Variants in SNTG1 observed in about 807,000 individuals in gnomAD.
The protein encoded by SNTG1 is syntrophin gamma 1, also known as gamma-1-syntrophin.
SNTG1 carries 39 observed loss-of-function variants against 74.7 expected under a neutral mutation model. The ratio of observed to expected loss-of-function variants is 0.52; its 90% confidence interval spans 0.40 to 0.68. The LOEUF (loss-of-function observed/expected upper bound fraction) is 0.68. Among genes scored for constraint, SNTG1 ranks in the 30% least tolerant of loss-of-function variants. SNTG1 has a pLI of 0.00. For synonymous variants in SNTG1, 254 were observed against 217.1 expected, an observed-to-expected ratio of 1.17 and a Z score of -1.49; for missense variants, 685 against 609.5, an observed-to-expected ratio of 1.12 and a Z score of -1.30.
intron 1 of SNTG1, among the ~76,000 whole-genome samples, chr8:50,109,298 A>G (rs1362966624): frequency 6.6e-6 from 1 of 152,218 alleles, no homozygotes; most frequent in Admixed American, 6.5e-5. Flanking sequence ...GGATACAATT[A>G]ATACCTAATT....
intron 1 of SNTG1, among the ~76,000 whole-genome samples, chr8:49,969,469 T>C (rs554160544): frequency 7.4e-6 from 1 of 135,550 alleles, no homozygotes; most frequent in Non-Finnish European, 1.5e-5. Context: ...CAATCTCGGC[T>C]CACTGCAACC....
intron 18 of SNTG1, among the ~76,000 whole-genome samples, chr8:50,782,534 G>C (rs1385073109): frequency 2.0e-5 from 3 of 152,108 alleles, no homozygotes; most frequent in Non-Finnish European, 4.4e-5. Context: ...CATAGTTCTT[G>C]AGCCTTGGCT....
chr8:50,047,790 T>A (rs537777560), intron 1 of SNTG1, among the ~76,000 whole-genome samples: 3 of 152,212 alleles, frequency 2.0e-5, no homozygotes, highest in Non-Finnish European at 4.4e-5. Context: ...AAGTTAAATA[T>A]TCTCCATGCC....
chr8:49,985,517 A>G (rs1249726027), intron 1 of SNTG1, among the ~76,000 whole-genome samples: 2 of 152,214 alleles, frequency 1.3e-5, no homozygotes, highest in African/African-American at 2.4e-5. Context: ...AAGTTGTGAT[A>G]CCATTTTGTT....
chr8:50,616,538 G>C (rs1253668860), intron 13 of SNTG1, among the ~76,000 whole-genome samples: 3 of 152,202 alleles, frequency 2.0e-5, no homozygotes, highest in Non-Finnish European at 4.4e-5. Context: ...GATGCTCACA[G>C]GAAGCACGAG....
intron 13 of SNTG1, among the ~76,000 whole-genome samples, chr8:50,598,887 G>A (rs1460871450): frequency 6.6e-6 from 1 of 151,828 alleles, no homozygotes; most frequent in African/African-American, 2.4e-5. Context: ...TTGGTGTAGG[G>A]AAATACTACT....
At chr8:50,626,063 A>G (rs1426660798) in intron 13 of SNTG1, among the ~76,000 whole-genome samples, 1 of 152,158 alleles carries the variant, frequency 6.6e-6, no homozygotes, top group East Asian at 1.9e-4. Context: ...ATTCAAACCC[A>G]GGTTTGCCTG....
chr8:50,265,005 G>A (rs1374710808), intron 2 of SNTG1, among the ~76,000 whole-genome samples: 1 of 151,932 alleles, frequency 6.6e-6, no homozygotes, highest in East Asian at 1.9e-4. Flanking sequence ...TTCTTCCAAG[G>A]TTAAAAGCTC....
chr8:50,248,205 A>T (rs2086487418), intron 2 of SNTG1, among the ~76,000 whole-genome samples: 1 of 152,152 alleles, frequency 6.6e-6, no homozygotes, highest in African/African-American at 2.4e-5. Flanking sequence ...TAGGACTTCA[A>T]CATTTGCATA....
intron 4 of SNTG1, among the ~76,000 whole-genome samples, chr8:50,417,701 A>C (rs2093031917): frequency 6.6e-6 from 1 of 152,088 alleles, no homozygotes; most frequent in African/African-American, 2.4e-5. Flanking sequence ...CATCTCTCCC[A>C]TTCTCACTCC....
intron 1 of SNTG1, among the ~76,000 whole-genome samples, chr8:50,028,062 C>A (rs1817418377): frequency 6.6e-6 from 1 of 152,040 alleles, no homozygotes; most frequent in Non-Finnish European, 1.5e-5. Context: ...CTTGAAACCA[C>A]CACTGGCATC....
intron 1 of SNTG1, among the ~76,000 whole-genome samples, chr8:49,922,108 G>T (rs762255690): frequency 1.3e-5 from 2 of 152,054 alleles, no homozygotes; most frequent in Non-Finnish European, 2.9e-5. Flanking sequence ...TCTAAACTTT[G>T]TTAGTAGACT....
rs556499502 is a variant in SNTG1 at position 50,794,223 on chromosome 8, T to A, written c.*1394T>A. The A allele has an allele frequency of 1.3e-5, 2 of 151,934 alleles. No individual in the cohort carries two copies. The highest frequency in any genetic ancestry group is 4.8e-5 in the African/African-American group (2 of 41,418). The allele number at this position is 151,934 out of a possible 1,614,324, so 9.4% of individuals were successfully genotyped here. On this transcript the variant is annotated 3_prime_UTR_variant, in exon 19 of 19. Coordinates refer to ENST00000642720, the MANE Select transcript of SNTG1 (RefSeq NM_018967.5). ...AAGTATCTAATAAATTGATTCAATTTTTTTTTTCAAATATGTTTTTAAAAA... is the reference window on the plus strand; with the variant it reads ...AAGTATCTAATAAATTGATTCAATTATTTTTTTCAAATATGTTTTTAAAAA...
At chr8:49,946,784 G>A (rs1437551590) in intron 1 of SNTG1, among the ~76,000 whole-genome samples, 3 of 152,070 alleles carry the variant, frequency 2.0e-5, no homozygotes, top group Non-Finnish European at 2.9e-5. Context: ...ATCATGAAAA[G>A]ATGAATGTTG....
At chr8:50,442,680 T>TAAAAAAAAAAAAAAAAAA (rs5891365) in intron 5 of SNTG1, among the ~76,000 whole-genome samples, 11 of 81,170 alleles carry the variant, frequency 1.4e-4, no homozygotes, top group African/African-American at 4.6e-4. Context: ...TGTCTATCAG[T>TAAAAAAAAAAAAAAAAAA]AAAAAAAAAA....
intron 2 of SNTG1, among the ~76,000 whole-genome samples, chr8:50,187,518 C>T (rs535666888): frequency 6.6e-6 from 1 of 152,226 alleles, no homozygotes; most frequent in African/African-American, 2.4e-5. Context: ...TTAACTTTTA[C>T]AGTATCTTTG....
At chr8:50,557,692 A>T (rs191991487) in intron 12 of SNTG1, among the ~76,000 whole-genome samples, 97 of 152,272 alleles carry the variant, frequency 6.4e-4, no homozygotes, top group African/African-American at 2.2e-3. Flanking sequence ...TGACCTCAAG[A>T]TCTTTAACTG....
chr8:50,139,418 C>A (rs574582514), intron 1 of SNTG1, among the ~76,000 whole-genome samples: 2 of 152,240 alleles, frequency 1.3e-5, no homozygotes, highest in Admixed American at 1.3e-4. Flanking sequence ...AGAGTGTAAG[C>A]TTTTAGGCTT....
chr8:50,087,461 A>C (rs1201788315), intron 1 of SNTG1, among the ~76,000 whole-genome samples: 1 of 152,166 alleles, frequency 6.6e-6, no homozygotes, highest in Non-Finnish European at 1.5e-5. Flanking sequence ...CTCTTTACAC[A>C]GTGTCAAAAT....
Sources: allele counts gnomAD v4.1 joint callset (sites outside exome capture counted in the v4.1 genomes callset), GRCh38; gene constraint gnomAD v4.1.1; transcripts MANE v1.5; gene names NCBI Gene and HGNC (gene_info 2026-07-23, HGNC 2026-07-21).